PTPRT: variants seen among roughly 807,000 people sequenced by gnomAD.
PTPRT encodes the protein receptor-type tyrosine-protein phosphatase T.
Under a neutral mutation model 176.8 loss-of-function variants are expected in PTPRT, and 56 were observed. The ratio of observed to expected loss-of-function variants is 0.32; its 90% confidence interval spans 0.26 to 0.40. The LOEUF is 0.40. Among genes scored for constraint, PTPRT ranks in the 10% least tolerant of loss-of-function variants. The pLI is 1.00. For missense variants in PTPRT, 1,540 were observed against 1,908.2 expected, an observed-to-expected ratio of 0.81 and a Z score of 3.60; for synonymous variants, 783 against 739.0, an observed-to-expected ratio of 1.06 and a Z score of -0.96.
At chr20:43,042,501 C>T (rs3092177) in intron 1 of PTPRT, among the ~76,000 whole-genome samples, 48,157 of 151,872 alleles carry the variant, frequency 0.32, 10,576 homozygotes, top group African/African-American at 0.62. Flanking sequence ...AGGGGCAAAA[C>T]GGCAAAACTC....
At chr20:42,045,131 C>T in the PTPRT span, among the ~76,000 whole-genome samples, 2 of 152,140 alleles carry the variant, frequency 1.3e-5, no homozygotes, top group African/African-American at 4.8e-5. Flanking sequence ...ACCTTAATTC[C>T]ATCTGCAACT....
At chr20:42,224,411 TG>T (rs781534996) in intron 15 of PTPRT, among the ~76,000 whole-genome samples, 2 of 152,216 alleles carry the variant, frequency 1.3e-5, no homozygotes, top group Non-Finnish European at 2.9e-5. Context: ...AAAAAGGAAA[TG>T]ATGCCACCAA....
chr20:43,141,349 C>A (rs944145614), intron 1 of PTPRT, among the ~76,000 whole-genome samples: 27 of 152,228 alleles, frequency 1.8e-4, no homozygotes, highest in African/African-American at 6.5e-4. Context: ...TGATCAGCAG[C>A]TGCTCAGCAA....
intron 7 of PTPRT, among the ~76,000 whole-genome samples, chr20:42,508,902 AATAAT>A (rs1399478420): frequency 2.1e-5 from 3 of 144,710 alleles, no homozygotes; most frequent in Admixed American, 1.4e-4. Context: ...TATAAATATA[AATAAT>A]ATAATTTATA....
intron 9 of PTPRT, among the ~76,000 whole-genome samples, chr20:42,360,517 G>T (rs1195518352): frequency 6.6e-6 from 1 of 152,156 alleles, no homozygotes; most frequent in Admixed American, 6.5e-5. Flanking sequence ...GTCTCATGCT[G>T]GGGTGTCCTG....
At chr20:42,586,977 C>T in intron 7 of PTPRT, among the ~76,000 whole-genome samples, 1 of 152,134 alleles carries the variant, frequency 6.6e-6, no homozygotes, top group East Asian at 1.9e-4. Context: ...CCCTGATGGA[C>T]CCCATGGTCC....
chr20:43,112,461 A>G (rs940909407), intron 1 of PTPRT, among the ~76,000 whole-genome samples: 1 of 152,202 alleles, frequency 6.6e-6, no homozygotes, highest in African/African-American at 2.4e-5. Flanking sequence ...ATTCTGTTGC[A>G]TGTTACGTAA....
At chr20:42,233,371 A>T (rs542160770) in intron 15 of PTPRT, among the ~76,000 whole-genome samples, 2 of 152,302 alleles carry the variant, frequency 1.3e-5, no homozygotes, top group East Asian at 3.9e-4. Flanking sequence ...TTCCAGGATA[A>T]TCAATTCTCC....
intron 9 of PTPRT, among the ~76,000 whole-genome samples, chr20:42,372,578 C>A (rs1315767842): frequency 2.0e-5 from 3 of 152,088 alleles, no homozygotes; most frequent in African/African-American, 7.2e-5. Flanking sequence ...AGCCACTATG[C>A]CAAGCCAGGG....
chr20:43,053,601 C>T (rs1987127938), intron 1 of PTPRT, among the ~76,000 whole-genome samples: 2 of 152,196 alleles, frequency 1.3e-5, no homozygotes, highest in African/African-American at 4.8e-5. Flanking sequence ...TCTGTTCCTG[C>T]CTCTGTTTGT....
the PTPRT span, among the ~76,000 whole-genome samples, chr20:42,035,675 A>G: frequency 6.6e-6 from 1 of 152,256 alleles, no homozygotes; most frequent in Admixed American, 6.5e-5. Flanking sequence ...TCTGGTCAGT[A>G]AGTTCTTCCA....
At chr20:43,057,476 A>C (rs1041641777) in intron 1 of PTPRT, among the ~76,000 whole-genome samples, 1 of 152,032 alleles carries the variant, frequency 6.6e-6, no homozygotes, top group Non-Finnish European at 1.5e-5. Context: ...GAAAAAGGAA[A>C]AGGGAATGAA....
intron 1 of PTPRT, among the ~76,000 whole-genome samples, chr20:42,888,068 T>C (rs1276714189): frequency 6.6e-6 from 1 of 152,202 alleles, no homozygotes; most frequent in Non-Finnish European, 1.5e-5. Flanking sequence ...CCCAGAACTA[T>C]GAGCAATAAC....
chr20:43,108,008 A>G (rs1600718722), intron 1 of PTPRT, among the ~76,000 whole-genome samples: 1 of 152,296 alleles, frequency 6.6e-6, no homozygotes, highest in East Asian at 1.9e-4. Context: ...AATGTTGCAT[A>G]GTGTATTTTT....
In PTPRT at chr20:42,239,182, T is replaced by C. The variant is rs184360977; in HGVS notation, c.2313-2924A>G. ...AAAGTGTTCACCTCTTTAGGAATAA[T>C]AAAATATGAACAAATACTTATTCAG... On this transcript the variant is annotated intron_variant, in intron 14 of 30. Transcript: ENST00000373187. 1.9e-3 allele frequency among the ~76,000 whole-genome samples: 286 copies of C among 152,240 alleles called. 2 individuals are homozygous for C. Among genetic ancestry groups the C allele is most frequent in the African/African-American group, 5.6e-3 (234 of 41,556 alleles).
chr20:42,729,391 A>G (rs1347299233), intron 6 of PTPRT, among the ~76,000 whole-genome samples: 1 of 152,340 alleles, frequency 6.6e-6, no homozygotes, highest in Non-Finnish European at 1.5e-5. Flanking sequence ...AAAATTAAGG[A>G]AAATAAACAG....
rs186970614 is a variant in PTPRT at position 42,205,095 on chromosome 20, G to C, written c.2343-5707C>G. Among the ~76,000 whole-genome samples, 1,093 of 149,560 alleles carry C rather than the reference G, an allele frequency of 7.3e-3. 9 individuals are homozygous for C. Among genetic ancestry groups the C allele is most frequent in the Non-Finnish European group, 0.011 (771 of 67,438 alleles). On this transcript the variant is annotated intron_variant, in intron 15 of 30. Coordinates refer to ENST00000373187, the MANE Select transcript of PTPRT (RefSeq NM_007050.6). ...GGGGTGGGGGGAGGGGGGAGGGATA[G>C]CATTAGGAGATATACCTAATGTTAA...
chr20:42,632,877 C>T (rs1249569704), intron 7 of PTPRT, among the ~76,000 whole-genome samples: 2 of 151,996 alleles, frequency 1.3e-5, no homozygotes, highest in Non-Finnish European at 2.9e-5. Flanking sequence ...GGTAACAAAT[C>T]CTTTCTTGAA....
intron 9 of PTPRT, among the ~76,000 whole-genome samples, chr20:42,355,438 T>C (rs1458787942): frequency 6.6e-6 from 1 of 152,116 alleles, no homozygotes; most frequent in Non-Finnish European, 1.5e-5. Context: ...AAAATGCTCG[T>C]GGAGGTATCT....
Sources: allele counts gnomAD v4.1 joint callset (sites outside exome capture counted in the v4.1 genomes callset), GRCh38; gene constraint gnomAD v4.1.1; transcripts MANE v1.5; gene names NCBI Gene and HGNC (gene_info 2026-07-23, HGNC 2026-07-21).